The following SULT6B1 variants were observed in gnomAD, a reference collection of about 807,000 sequenced individuals.
SULT6B1 encodes sulfotransferase family 6B member 1.
A neutral mutation model predicts 37.2 loss-of-function variants in SULT6B1; 44 were observed. That is an observed-to-expected ratio of 1.18 (90% CI 0.93 to 1.52). SULT6B1 has a LOEUF of 1.52. Among genes scored for constraint, SULT6B1 ranks in the 40% most tolerant of loss-of-function variants. The probability of loss-of-function intolerance (pLI) is 0.00; values close to 1 mark genes in which losing one functional copy is unlikely to be tolerated. For missense variants in SULT6B1, 450 were observed against 361.0 expected (o/e 1.25, Z -2.00); for synonymous variants, 140 against 126.0 (o/e 1.11, Z -0.74).
At chr2:37,169,652 C>T (rs1478635438) in intron 6 of SULT6B1, among the ~76,000 whole-genome samples, 13 of 152,072 alleles carry the variant, frequency 8.5e-5, no homozygotes, top group Admixed American at 8.5e-4. Context: ...CCACGTCCAG[C>T]CCGAGCTAAT....
At chr2:37,191,635 G>C (rs921924436), upstream of SULT6B1, among the ~76,000 whole-genome samples, 68 of 152,216 alleles carry the variant, frequency 4.5e-4, no homozygotes, top group Non-Finnish European at 1.0e-4. Context: ...GCAGAGAAGA[G>C]TTTTATTGAA....
chr2:37,193,597 A>AAAGAAGAAGAAGAAG (rs70949740), upstream of SULT6B1, among the ~76,000 whole-genome samples: 6,061 of 113,612 alleles, frequency 0.053, 267 homozygotes, highest in Non-Finnish European at 0.066. Flanking sequence ...AGAAGAAGAA[A>AAAGAAGAAGAAGAAG]AAGAAGAAGA....
upstream of SULT6B1, among the ~76,000 whole-genome samples, chr2:37,190,220 ATAAATG>A (rs1168577458): frequency 6.6e-6 from 1 of 152,246 alleles, no homozygotes; most frequent in African/African-American, 2.4e-5. Flanking sequence ...TCAAATATCT[ATAAATG>A]TAGACTGTAT....
chr2:37,171,603 T>G lies in SULT6B1; in HGVS notation c.625-13A>C, dbSNP rs11569759. On this transcript the variant is annotated splice_polypyrimidine_tract_variant and intron_variant, in intron 5 of 6. Coordinates refer to ENST00000535679, the MANE Select transcript of SULT6B1 (RefSeq NM_001367551.1). Reference sequence around the variant, plus strand: ...CAGCAGCCAGATTCTGTAAAAAAATTTTCTTAAAGATAAATTTCTTCCTAT... The same window carrying G: ...CAGCAGCCAGATTCTGTAAAAAAATGTTCTTAAAGATAAATTTCTTCCTAT... The G allele has an allele frequency of 7.2e-4, 1,158 of 1,609,102 alleles. 6 individuals are homozygous for G. The African/African-American group carries it at 0.014, about 20-fold the overall frequency.
rs569962167 is a variant in SULT6B1 at position 37,186,728 on chromosome 2, C to CA, written c.312+626dup. On this transcript the variant is annotated intron_variant, in intron 2 of 6. Coordinates refer to ENST00000535679, the MANE Select transcript of SULT6B1 (RefSeq NM_001367551.1). The stretch of plus-strand genomic sequence containing the variant: ...GCAACGAAATGAAACCCTACCTCTA[C>CA]AAAAAAAATTAAAAAAAATTAACCA... Among the ~76,000 whole-genome samples, 537 of 151,576 alleles carry CA rather than the reference C, an allele frequency of 3.5e-3. 5 individuals carry two copies. The highest frequency in any genetic ancestry group is 0.012 in the African/African-American group (499 of 41,300).
intron 2 of SULT6B1, among the ~76,000 whole-genome samples, chr2:37,183,829 A>G (rs541303983): frequency 1.8e-4 from 27 of 152,232 alleles, no homozygotes; most frequent in African/African-American, 6.3e-4. Flanking sequence ...TTTTTAGTAG[A>G]GACAGGGTTT....
At chr2:37,182,051 T>C (rs2148294416) in intron 3 of SULT6B1, among the ~76,000 whole-genome samples, 1 of 152,254 alleles carries the variant, frequency 6.6e-6, no homozygotes, top group East Asian at 1.9e-4. Flanking sequence ...ACTAGGATTC[T>C]TGTATCACAG....
At chr2:37,195,327 G>C (rs1676889381) in intron 1 of SULT6B1, among the ~76,000 whole-genome samples, 1 of 152,176 alleles carries the variant, frequency 6.6e-6, no homozygotes, top group Non-Finnish European at 1.5e-5. Flanking sequence ...CAATGTAGTG[G>C]AGCCTTGCTA....
intron 3 of SULT6B1, among the ~76,000 whole-genome samples, chr2:37,180,681 C>T (rs1006896786): frequency 1.3e-5 from 2 of 152,082 alleles, no homozygotes; most frequent in Admixed American, 6.6e-5. Flanking sequence ...ATCAGGAGTT[C>T]GAGACCAGCC....
chr2:37,182,951 G>C lies in SULT6B1; in HGVS notation c.402+474C>G, dbSNP rs1676588994. 2.6e-5 allele frequency among the ~76,000 whole-genome samples: 4 copies of C among 152,188 alleles called. 1 individual carries two copies. The highest frequency in any genetic ancestry group is 2.6e-4 in the Admixed American group (4 of 15,284). ...AATCTCACCACTTTGGGAGGCCTTG[G>C]TGGCAGAAGGATCTCTTGAAGTCAG... On this transcript the variant is annotated intron_variant, in intron 3 of 6. Coordinates refer to ENST00000535679, the MANE Select transcript of SULT6B1 (RefSeq NM_001367551.1).
In SULT6B1 at chr2:37,177,186, T is replaced by C. The variant is rs374478456; in HGVS notation, c.530-1960A>G. On this transcript the variant is annotated intron_variant, in intron 4 of 6. Transcript: ENST00000535679. Reference sequence around the variant, plus strand: ...TTTGCAACAACACGGAGGGAGGACATTATGTTAACCAAAATAAGCTAGACA... The same window carrying C: ...TTTGCAACAACACGGAGGGAGGACACTATGTTAACCAAAATAAGCTAGACA... 3.1e-4 allele frequency among the ~76,000 whole-genome samples: 47 copies of C among 151,972 alleles called. 2 individuals are homozygous for C. In the East Asian group the frequency reaches 4.6e-3, roughly 15 times the overall value.
At chr2:37,177,372 G>A (rs1344208855) in intron 4 of SULT6B1, among the ~76,000 whole-genome samples, 6 of 131,594 alleles carry the variant, frequency 4.6e-5, no homozygotes, top group South Asian at 2.3e-4. Flanking sequence ...GAGCCTTGCC[G>A]CTACACTCCA....
Position 37,171,590 on chromosome 2 carries a change from T to A in SULT6B1, c.625A>T (p.Asn209Tyr). 6.2e-7 allele frequency: 1 copy of A among 1,609,568 alleles called. No individual in the cohort carries two copies. The part of the protein sequence containing the change: ...KFILYEDLKE[N>Y]LAAGIKQIAE... The stretch of plus-strand genomic sequence containing the variant: ...ATCTGTTTTATTCCAGCAGCCAGAT[T>A]CTGTAAAAAAATTTTCTTAAAGATA... Residue 209 changes from asparagine (N) to tyrosine (Y), a missense_variant and splice_region_variant, in exon 6 of 7, where the codon AAT becomes TAT. Transcript: ENST00000535679.
In SULT6B1 at chr2:37,179,553, G is replaced by A. The variant is rs1218024777; in HGVS notation, c.434C>T (p.Thr145Ile). 2.5e-6 allele frequency: 4 copies of A among 1,613,584 alleles called. No homozygotes were observed. The highest frequency in any genetic ancestry group is 3.4e-6 in the Non-Finnish European group (4 of 1,179,792). Residue 145 changes from threonine (T) to isoleucine (I), a missense_variant, in exon 4 of 7, where the codon ACA (threonine) becomes ATA (isoleucine). By Grantham distance (89) the Thr-to-Ile change is moderately conservative. Transcript: ENST00000535679. ...GTGGAAATGCAAAAAAGATACTGCT[G>A]TATCTTTAGGGTTTCGAAATATCAC... ...ILVIFRNPKD[T>I]AVSFLHFHND...
At chr2:37,176,396 A>T (rs1676429397) in intron 4 of SULT6B1, among the ~76,000 whole-genome samples, 1 of 149,148 alleles carries the variant, frequency 6.7e-6, no homozygotes. Context: ...AGTAGCTGGG[A>T]CTACAGGCAC....
intron 3 of SULT6B1, among the ~76,000 whole-genome samples, chr2:37,181,531 C>T (rs1429462887): frequency 6.6e-6 from 1 of 152,024 alleles, no homozygotes; most frequent in Admixed American, 6.6e-5. Flanking sequence ...AGCGGTGCAC[C>T]ACCATGCCCG....
In SULT6B1 at chr2:37,175,213, C is replaced by G. The variant is rs45439591; in HGVS notation, c.543G>C (p.Arg181Ser). ...TCCAATTGATTGCAAAATCAAAATA[C>G]CTTCCCCAAGAAACTAAAAACACAG... ...QFMKGQVSWG[R>S]YFDFAINWNK... is the part of the protein sequence containing the mutation. The change falls in exon 5 of 7, where the codon AGG becomes AGC. Residue 181 changes from arginine to serine, a missense_variant. Physicochemically the swap from Arg to Ser is moderately radical, Grantham distance 110 (BLOSUM62 -1). Coordinates refer to ENST00000535679, the MANE Select transcript of SULT6B1 (RefSeq NM_001367551.1). The G allele has an allele frequency of 0.03, 47,515 of 1,583,838 alleles. 860 individuals are homozygous for G. Among genetic ancestry groups the G allele is most frequent in the Middle Eastern group, 0.035 (181 of 5,140 alleles).
intron 4 of SULT6B1, among the ~76,000 whole-genome samples, chr2:37,176,600 T>C (rs978356315): frequency 1.3e-5 from 2 of 152,176 alleles, no homozygotes; most frequent in African/African-American, 4.8e-5. Flanking sequence ...ATAGTTATTA[T>C]CATGATCATT....
intron 2 of SULT6B1, among the ~76,000 whole-genome samples, chr2:37,186,099 C>G (rs13022271): frequency 0.3 from 45,573 of 152,080 alleles, 7,585 homozygotes; most frequent in Middle Eastern, 0.38. Context: ...TTCCTTCCAT[C>G]TAGGTTCCAA....
Sources: gnomAD v4.1 joint callset for allele counts (sites outside exome capture counted in the v4.1 genomes callset) on GRCh38, gnomAD v4.1.1 for gene constraint, MANE v1.5 for transcripts, NCBI Gene and HGNC (gene_info 2026-07-23, HGNC 2026-07-21) for gene names.